PLPPR5: variants seen among roughly 807,000 people sequenced by gnomAD.
The protein encoded by PLPPR5 is phospholipid phosphatase-related protein type 5.
Under a neutral mutation model 33.9 loss-of-function variants are expected in PLPPR5, and 16 were observed. That is an observed-to-expected ratio of 0.47 (90% CI 0.32 to 0.72). The LOEUF is 0.72. Among genes scored for constraint, PLPPR5 ranks in the 30% least tolerant of loss-of-function variants. PLPPR5 has a pLI of 0.03. For missense variants in PLPPR5, 301 were observed against 406.7 expected, an observed-to-expected ratio of 0.74 and a Z score of 2.23; for synonymous variants, 163 against 150.3, an observed-to-expected ratio of 1.08 and a Z score of -0.62.
intron 1 of PLPPR5, among the ~76,000 whole-genome samples, chr1:98,974,200 T>A (rs149810629): frequency 1.3e-3 from 197 of 152,080 alleles, no homozygotes; most frequent in African/African-American, 4.6e-3. Flanking sequence ...AAGAAAATTA[T>A]CATGCCATGA....
chr1:98,965,393 C>A (rs1389954645), intron 1 of PLPPR5, among the ~76,000 whole-genome samples: 1 of 152,198 alleles, frequency 6.6e-6, no homozygotes, highest in African/African-American at 2.4e-5. Context: ...CCCTGCCTAA[C>A]AAGCTGGATC....
intron 1 of PLPPR5, among the ~76,000 whole-genome samples, chr1:99,001,798 C>T (rs1456491930): frequency 1.3e-5 from 2 of 149,468 alleles, no homozygotes; most frequent in Non-Finnish European, 3.0e-5. Flanking sequence ...AATTTTCATC[C>T]TGTAATAGAA....
At chr1:98,953,353 GCT>G (rs1650859831) in intron 2 of PLPPR5, 33 bp from the exon 3 acceptor site, 3 of 1,567,970 alleles carry the variant, frequency 1.9e-6, no homozygotes, top group African/African-American at 3.2e-5. Flanking sequence ...TTAACTTCTT[GCT>G]TGTGTGTGTG....
intron 1 of PLPPR5, among the ~76,000 whole-genome samples, chr1:98,962,060 T>C (rs1329468): frequency 0.19 from 28,349 of 152,180 alleles, 2,703 homozygotes; most frequent in East Asian, 0.26. Flanking sequence ...CCTGCTCTTC[T>C]GTGTCACCAT....
At chr1:98,957,652 G>C (rs1028444672) in intron 1 of PLPPR5, among the ~76,000 whole-genome samples, 1 of 152,046 alleles carries the variant, frequency 6.6e-6, no homozygotes, top group Non-Finnish European at 1.5e-5. Flanking sequence ...CTTTGACTTT[G>C]AGAGCCTCCT....
intron 3 of PLPPR5, among the ~76,000 whole-genome samples, chr1:98,943,380 A>G (rs928062936): frequency 6.6e-6 from 1 of 152,176 alleles, no homozygotes; most frequent in Non-Finnish European, 1.5e-5. Flanking sequence ...CTGGAGAAAA[A>G]AAAATATCCA....
intron 1 of PLPPR5, among the ~76,000 whole-genome samples, chr1:98,967,120 A>T (rs1651477191): frequency 6.6e-6 from 1 of 152,190 alleles, no homozygotes; most frequent in South Asian, 2.1e-4. Context: ...ATTATTATGT[A>T]CTTGTACTGT....
chr1:98,950,745 G>C (rs1650751397), intron 3 of PLPPR5, among the ~76,000 whole-genome samples: 1 of 152,156 alleles, frequency 6.6e-6, no homozygotes, highest in Non-Finnish European at 1.5e-5. Context: ...GTGTAGTTGA[G>C]TGATCATAGC....
intron 3 of PLPPR5, among the ~76,000 whole-genome samples, chr1:98,943,741 C>T (rs982532602): frequency 6.6e-6 from 1 of 152,158 alleles, no homozygotes; most frequent in Non-Finnish European, 1.5e-5. Context: ...CTCTCAAGAT[C>T]TCAATAATGC....
rs561749513 is a variant in PLPPR5, at chr1:98,943,122, C to T, written c.621+9948G>A. 5.3e-4 allele frequency among the ~76,000 whole-genome samples: 80 copies of T among 152,210 alleles called. 3 individuals are homozygous for T. In the South Asian group the frequency reaches 0.014, roughly 26 times the overall value. ...TAGCATCCCTTAGGGGCAAAATAGA[C>T]GGGGAGCCACGAGACTACCTAATAT... On this transcript the variant is annotated intron_variant, in intron 3 of 5. Coordinates refer to ENST00000263177, the MANE Select transcript of PLPPR5 (RefSeq NM_001037317.2).
chr1:98,995,954 C>CCA (rs2100764647), intron 1 of PLPPR5, among the ~76,000 whole-genome samples: 1 of 151,974 alleles, frequency 6.6e-6, no homozygotes, highest in Non-Finnish European at 1.5e-5. Flanking sequence ...TCAGATAACA[C>CCA]CACATGACTT....
At chr1:98,968,332 A>C (rs970402930) in intron 1 of PLPPR5, among the ~76,000 whole-genome samples, 3 of 152,074 alleles carry the variant, frequency 2.0e-5, no homozygotes, top group African/African-American at 7.2e-5. Flanking sequence ...ATAATTAATA[A>C]AAAATTAGTA....
chr1:98,897,849 A>G (rs1648535952), intron 5 of PLPPR5, among the ~76,000 whole-genome samples: 1 of 152,150 alleles, frequency 6.6e-6, no homozygotes, highest in Non-Finnish European at 1.5e-5. Context: ...ATTTTTATTA[A>G]CATTAAATGG....
chr1:99,004,761 C>CGCG lies in PLPPR5; in HGVS notation c.-93_-91dup. On this transcript the variant is annotated 5_prime_UTR_variant, in exon 1 of 6. Transcript: ENST00000263177. ...GGTCCGCCGAGGCAGCCACCGGGGG[C>CGCG]GCGGCGGCGGAGGCGGCGGGAGGAC... is the stretch of plus-strand genomic sequence containing the variant. The CGCG allele has an allele frequency of 1.1e-6, 1 of 873,190 alleles. No individual in the cohort carries two copies. Among genetic ancestry groups the CGCG allele is most frequent in the Non-Finnish European group, 1.5e-6 (1 of 664,044 alleles). The allele number at this position is 873,190 out of a possible 1,614,324, so 54.1% of individuals were successfully genotyped here.
At chr1:98,934,823 T>C (rs1353146914) in intron 3 of PLPPR5, among the ~76,000 whole-genome samples, 1 of 152,122 alleles carries the variant, frequency 6.6e-6, no homozygotes, top group Non-Finnish European at 1.5e-5. Context: ...GTAGGGGCCA[T>C]TTTTATGAGA....
At chr1:98,911,941 T>G (rs1649167095) in intron 5 of PLPPR5, among the ~76,000 whole-genome samples, 1 of 152,074 alleles carries the variant, frequency 6.6e-6, no homozygotes. Flanking sequence ...TATTTTGTAT[T>G]TTTTGTAGAA....
At chr1:98,963,298 C>T (rs996358148) in intron 1 of PLPPR5, among the ~76,000 whole-genome samples, 9 of 152,134 alleles carry the variant, frequency 5.9e-5, no homozygotes, top group Non-Finnish European at 7.3e-5. Context: ...TCCAATGGCA[C>T]GTTGTACATT....
At chr1:98,898,425 T>C (rs1266639432) in intron 5 of PLPPR5, among the ~76,000 whole-genome samples, 3 of 152,158 alleles carry the variant, frequency 2.0e-5, no homozygotes, top group Non-Finnish European at 4.4e-5. Flanking sequence ...TTTGCTTCTT[T>C]AACGCATTCA....
At chr1:98,921,180 C>T (rs1390670289) in intron 4 of PLPPR5, among the ~76,000 whole-genome samples, 1 of 152,052 alleles carries the variant, frequency 6.6e-6, no homozygotes, top group Non-Finnish European at 1.5e-5. Flanking sequence ...ACAACCAAAA[C>T]CTATGGAAAT....
Sources: gnomAD v4.1 joint callset for allele counts (sites outside exome capture counted in the v4.1 genomes callset) on GRCh38, gnomAD v4.1.1 for gene constraint, MANE v1.5 for transcripts, NCBI Gene and HGNC (gene_info 2026-07-23, HGNC 2026-07-21) for gene names.